TMEM244: variants seen among roughly 807,000 people sequenced by gnomAD.
TMEM244 encodes transmembrane protein 244.
In TMEM244, 13 loss-of-function variants were observed where a neutral mutation model predicts 15.8. The ratio of observed to expected loss-of-function variants is 0.82; its 90% CI spans 0.53 to 1.30. The LOEUF (loss-of-function observed/expected upper bound fraction) is 1.30, where lower values mean the gene tolerates loss of function less well. TMEM244 is among the 50% of genes most tolerant of loss of function. The pLI is 0.00. For missense variants in TMEM244, 161 were observed against 144.9 expected (o/e 1.11, Z -0.57); for synonymous variants, 45 against 48.7 (o/e 0.92, Z 0.32).
chr6:129,846,858 TG>T (rs1250088441), intron 1 of TMEM244, among the ~76,000 whole-genome samples: 1 of 152,156 alleles, frequency 6.6e-6, no homozygotes, highest in African/African-American at 2.4e-5. Context: ...CTTCCACAGC[TG>T]AGACCTAAGA....
chr6:129,852,208 T>C (rs1335576070), intron 1 of TMEM244, among the ~76,000 whole-genome samples: 1 of 152,190 alleles, frequency 6.6e-6, no homozygotes, highest in African/African-American at 2.4e-5. Context: ...TTGCATATGT[T>C]TACTTTTTTG....
chr6:129,855,096 T>C (rs1329323493), intron 1 of TMEM244, among the ~76,000 whole-genome samples: 1 of 152,138 alleles, frequency 6.6e-6, no homozygotes, highest in Non-Finnish European at 1.5e-5. Context: ...TCCTAGTATT[T>C]CCCCTCAGGC....
chr6:129,854,274 A>G (rs1018118663), intron 1 of TMEM244, among the ~76,000 whole-genome samples: 1 of 152,174 alleles, frequency 6.6e-6, no homozygotes, highest in Non-Finnish European at 1.5e-5. Flanking sequence ...GGCTGGCCCT[A>G]CCGGACATTC....
At chr6:129,857,819 T>C (rs150111036) in intron 1 of TMEM244, among the ~76,000 whole-genome samples, 111 of 142,730 alleles carry the variant, frequency 7.8e-4, no homozygotes, top group African/African-American at 2.7e-3. Flanking sequence ...TATACACACA[T>C]ATATATATGT....
chr6:129,853,550 TC>T (rs1460083448), intron 1 of TMEM244, among the ~76,000 whole-genome samples: 5 of 152,182 alleles, frequency 3.3e-5, no homozygotes, highest in African/African-American at 1.2e-4. Context: ...TGAATGTTTT[TC>T]CAAGTTGCTT....
chr6:129,848,758 T>A (rs561433748), intron 1 of TMEM244, among the ~76,000 whole-genome samples: 24 of 152,248 alleles, frequency 1.6e-4, no homozygotes, highest in Non-Finnish European at 2.9e-4. Flanking sequence ...TTTTTAAGAG[T>A]CATGTGTCTT....
chr6:129,831,390 C>T lies in TMEM244; in HGVS notation c.320-4G>A. On this transcript the variant is annotated splice_polypyrimidine_tract_variant and splice_region_variant and intron_variant, in intron 4 of 4. Coordinates refer to ENST00000368143, the MANE Select transcript of TMEM244 (RefSeq NM_001010876.2). The stretch of plus-strand genomic sequence containing the variant: ...GTCAAGGGGAATTCCAACATAACTG[C>T]AATAGAAAAAAAATGTTTAATTTCA... 1 of 1,560,388 alleles carries T rather than the reference C, an allele frequency of 6.4e-7. No homozygotes were observed. Among genetic ancestry groups the T allele is most frequent in the Non-Finnish European group, 8.8e-7 (1 of 1,131,876 alleles).
chr6:129,838,538 C>A (rs1196908745), intron 3 of TMEM244, among the ~76,000 whole-genome samples: 1 of 151,790 alleles, frequency 6.6e-6, no homozygotes, highest in African/African-American at 2.4e-5. Flanking sequence ...GAAGCAAGAG[C>A]AAAAAAATTC....
chr6:129,834,274 T>C (rs1016837643), intron 3 of TMEM244, among the ~76,000 whole-genome samples: 1 of 152,202 alleles, frequency 6.6e-6, no homozygotes, highest in Admixed American at 6.5e-5. Flanking sequence ...TGGGTCAATC[T>C]TTTGCCTCTT....
In TMEM244 at chr6:129,843,512, T is replaced by G. The variant is rs1371874365; in HGVS notation, c.193+18A>C. On this transcript the variant is annotated intron_variant, in intron 3 of 4. Coordinates refer to ENST00000368143, the MANE Select transcript of TMEM244 (RefSeq NM_001010876.2). ...TTTAGTTCACTAATTGATAAGAATT[T>G]AAAATTAAAACAATTACCTTTATAG... 2 of 1,575,850 alleles carry G rather than the reference T, an allele frequency of 1.3e-6. No homozygotes were observed. The highest frequency in any genetic ancestry group is 1.7e-6 in the Non-Finnish European group (2 of 1,153,788).
At chr6:129,843,772 A>C (rs779084670) in intron 2 of TMEM244, among the ~76,000 whole-genome samples, 169 bp from the exon 3 acceptor site, 1 of 152,230 alleles carries the variant, frequency 6.6e-6, no homozygotes, top group African/African-American at 2.4e-5. Context: ...AATGAAGATA[A>C]TAATCTCTAT....
rs145211402 is a variant in TMEM244, at chr6:129,831,300, T to C, written c.*19A>G. 326 of 1,375,412 alleles carry C rather than the reference T, an allele frequency of 2.4e-4. No individual in the cohort carries two copies. The African/African-American group carries it at 4.1e-3, about 17-fold the overall frequency. 85.2% of individuals were successfully genotyped at this position (1,375,412 alleles called of 1,614,324 possible). ...TCCACAGTTATTCTATTTAACATTA[T>C]TTCTGTGCATTAGAGAATCTAAACA... On this transcript the variant is annotated 3_prime_UTR_variant, in exon 5 of 5. Transcript: ENST00000368143.
Position 129,831,259 on chromosome 6 carries a change from GAAAAT to G in TMEM244, c.*55_*59del. ...AAGACAATAATTGTAAAATCTATGA[GAAAAT>G]AAAATATATTTCCACAGTTATTCTA... On this transcript the variant is annotated 3_prime_UTR_variant, in exon 5 of 5. Transcript: ENST00000368143. 2 of 1,014,516 alleles carry G rather than the reference GAAAAT, an allele frequency of 2.0e-6. No homozygotes were observed. The highest frequency in any genetic ancestry group is 3.0e-6 in the Non-Finnish European group (2 of 661,492). The allele number at this position is 1,014,516 out of a possible 1,614,324, so 62.8% of individuals were successfully genotyped here.
At chr6:129,849,466 A>G (rs999233513) in intron 1 of TMEM244, among the ~76,000 whole-genome samples, 1 of 151,990 alleles carries the variant, frequency 6.6e-6, no homozygotes, top group Non-Finnish European at 1.5e-5. Context: ...CATTATCAGG[A>G]TTTATTCCTC....
chr6:129,843,920 GA>G (rs1776527318), intron 2 of TMEM244, among the ~76,000 whole-genome samples: 1 of 152,150 alleles, frequency 6.6e-6, no homozygotes, highest in Non-Finnish European at 1.5e-5. Flanking sequence ...GTCTAGTTAC[GA>G]AATGTAAACT....
At position 129,855,729 on chromosome 6, in the gene TMEM244, C is replaced by G. The variant is rs573495647; in HGVS notation, c.33+5427G>C. 5.7e-4 allele frequency among the ~76,000 whole-genome samples: 87 copies of G among 152,214 alleles called. 1 individual carries two copies. Among genetic ancestry groups the G allele is most frequent in the African/African-American group, 2.0e-3 (82 of 41,536 alleles). On this transcript the variant is annotated intron_variant, in intron 1 of 4. Transcript: ENST00000368143. ...TCTACAAAGGTAATATTGTGCATTT[C>G]CCATTGTATCTTATGAGAAGATGCA... is the stretch of plus-strand genomic sequence containing the variant.
At chr6:129,835,330 T>A (rs1776388262) in intron 3 of TMEM244, among the ~76,000 whole-genome samples, 1 of 150,214 alleles carries the variant, frequency 6.7e-6, no homozygotes, top group South Asian at 2.1e-4. Flanking sequence ...TGCAGGAGTT[T>A]GAAGTTACAA....
chr6:129,835,048 C>G (rs1776383789), intron 3 of TMEM244, among the ~76,000 whole-genome samples: 1 of 152,096 alleles, frequency 6.6e-6, no homozygotes, highest in Admixed American at 6.5e-5. Flanking sequence ...GGAAGTAATA[C>G]AAAATTTGAA....
chr6:129,835,404 T>TAAA (rs549649524), intron 3 of TMEM244, among the ~76,000 whole-genome samples: 276 of 138,452 alleles, frequency 2.0e-3, no homozygotes, highest in Admixed American at 3.8e-3. Flanking sequence ...CTCTGTCTCT[T>TAAA]AAAAAAAAAA....
Sources: allele counts gnomAD v4.1 joint callset (sites outside exome capture counted in the v4.1 genomes callset), GRCh38; gene constraint gnomAD v4.1.1; transcripts MANE v1.5; gene names NCBI Gene and HGNC (gene_info 2026-07-23, HGNC 2026-07-21).